The following BLTP1 variants were observed in gnomAD, a reference collection of about 807,000 sequenced individuals.
The protein encoded by BLTP1 is fragile site-associated protein.
the BLTP1 span, among the ~76,000 whole-genome samples, chr4:122,286,007 A>G: frequency 6.6e-6 from 1 of 152,246 alleles, no homozygotes; most frequent in Non-Finnish European, 1.5e-5. Context: ...ATATGGTCCC[A>G]TGAATAATTA....
the BLTP1 span, among the ~76,000 whole-genome samples, chr4:122,288,077 T>A: frequency 6.6e-6 from 1 of 152,160 alleles, no homozygotes; most frequent in Admixed American, 6.5e-5. Flanking sequence ...GCATCCCTCT[T>A]AGAGTTGCCT....
the BLTP1 span, among the ~76,000 whole-genome samples, chr4:122,296,818 A>G: frequency 1.3e-5 from 2 of 152,182 alleles, no homozygotes; most frequent in Non-Finnish European, 2.9e-5. Flanking sequence ...ACAATGGGGA[A>G]AAAGGGTTCC....
chr4:122,200,177 A>G, the BLTP1 span: 35 of 903,064 alleles, frequency 3.9e-5, no homozygotes, highest in African/African-American at 6.1e-4. Flanking sequence ...CTATAAATAT[A>G]CCTTAAAGTG....
the BLTP1 span, chr4:122,211,918 C>G: frequency 5.9e-6 from 1 of 169,528 alleles, no homozygotes; most frequent in African/African-American, 2.4e-5. Flanking sequence ...CTTGCTGATC[C>G]TTACTTATCA....
chr4:122,153,099 A>G, the BLTP1 span: 5 of 907,326 alleles, frequency 5.5e-6, no homozygotes, highest in Non-Finnish European at 3.9e-6. Context: ...AGAATTTCCT[A>G]TTGGTCAAAG....
the BLTP1 span, among the ~76,000 whole-genome samples, chr4:122,302,760 A>G: frequency 6.6e-6 from 1 of 152,226 alleles, no homozygotes; most frequent in Non-Finnish European, 1.5e-5. Context: ...AAAGCCAAAC[A>G]GCCTTATTGC....
chr4:122,270,652 G>GT, the BLTP1 span, among the ~76,000 whole-genome samples: 3 of 151,714 alleles, frequency 2.0e-5, no homozygotes, highest in Non-Finnish European at 4.4e-5. Flanking sequence ...TAGGAGGGGG[G>GT]GATGGTTAAG....
the BLTP1 span, chr4:122,207,027 G>C: frequency 7.9e-7 from 1 of 1,272,352 alleles, no homozygotes; most frequent in Non-Finnish European, 1.1e-6. Context: ...ATTCATTTTT[G>C]ACTGGTGTTA....
At chr4:122,331,270 T>C in the BLTP1 span, 1 of 1,523,964 alleles carries the variant, frequency 6.6e-7, no homozygotes, top group Non-Finnish European at 8.8e-7. Flanking sequence ...GAAAATAGTT[T>C]GTTAAAAAGA....
At chr4:122,356,327 T>C in the BLTP1 span, among the ~76,000 whole-genome samples, 1 of 152,144 alleles carries the variant, frequency 6.6e-6, no homozygotes, top group Non-Finnish European at 1.5e-5. Context: ...CAGGAAATGC[T>C]CATTGGAGGA....
the BLTP1 span, chr4:122,209,302 A>C: frequency 1.2e-5 from 19 of 1,612,770 alleles, no homozygotes; most frequent in Non-Finnish European, 1.5e-5. Flanking sequence ...GCCAGAAAAC[A>C]GTTAAACCAA....
At chr4:122,289,694 T>A in the BLTP1 span, 1 of 955,778 alleles carries the variant, frequency 1.0e-6, no homozygotes, top group Non-Finnish European at 1.2e-6. Context: ...AAAAGTTGAC[T>A]GTATAACAGT....
chr4:122,175,352 T>G, the BLTP1 span: 1 of 704,080 alleles, frequency 1.4e-6, no homozygotes, highest in East Asian at 1.3e-4. Flanking sequence ...GGGCATGAGA[T>G]GATAGGTTAT....
the BLTP1 span, chr4:122,172,868 G>A: frequency 3.9e-5 from 37 of 942,330 alleles, no homozygotes; most frequent in Non-Finnish European, 4.0e-5. Context: ...TGCTCTAATG[G>A]ATCTGATCGG....
the BLTP1 span, chr4:122,330,760 TG>T: frequency 6.6e-6 from 1 of 152,576 alleles, no homozygotes; most frequent in Non-Finnish European, 1.5e-5. Context: ...TCTGTGCTTT[TG>T]GTGTCAGGAA....
At chr4:122,224,157 A>G in the BLTP1 span, 1 of 901,114 alleles carries the variant, frequency 1.1e-6, no homozygotes, top group Non-Finnish European at 1.3e-6. Context: ...TGATTCTTAG[A>G]TTTCTTACAA....
chr4:122,362,429 A>G, the BLTP1 span: 1 of 464,634 alleles, frequency 2.2e-6, no homozygotes, highest in South Asian at 3.5e-5. Flanking sequence ...GTATTGCATG[A>G]TAATGTAAAT....
At chr4:122,304,019 C>G in the BLTP1 span, among the ~76,000 whole-genome samples, 6 of 152,094 alleles carry the variant, frequency 3.9e-5, no homozygotes, top group East Asian at 1.2e-3. Flanking sequence ...AGAAGTCTTT[C>G]ATGAAAGGAA....
the BLTP1 span, chr4:122,184,576 G>T: frequency 4.1e-5 from 15 of 362,990 alleles, no homozygotes; most frequent in Non-Finnish European, 5.7e-5. Flanking sequence ...GAGGTGCCAG[G>T]TTGCAGTGAG....
Sources: gnomAD v4.1 joint callset for allele counts (sites outside exome capture counted in the v4.1 genomes callset) on GRCh38, gnomAD v4.1.1 for gene constraint, MANE v1.5 for transcripts, NCBI Gene and HGNC (gene_info 2026-07-23, HGNC 2026-07-21) for gene names.